CNIH3: variants seen among roughly 807,000 people sequenced by gnomAD.
CNIH3 encodes the protein cornichon family AMPA receptor auxiliary protein 3, also known as protein cornichon homolog 3.
Under a neutral mutation model 24.1 loss-of-function variants are expected in CNIH3, and 14 were observed. That is an observed-to-expected ratio of 0.58 (90% CI 0.38 to 0.91). CNIH3 has a LOEUF of 0.91. CNIH3 is among the 40% of genes least tolerant of loss of function. The pLI is 0.00. For synonymous variants in CNIH3, 68 were observed against 73.8 expected (o/e 0.92, Z 0.40); for missense variants, 178 against 196.8 (o/e 0.90, Z 0.57).
chr1:224,464,858 T>C (rs531675487), intron 1 of CNIH3, among the ~76,000 whole-genome samples: 74 of 152,084 alleles, frequency 4.9e-4, no homozygotes, highest in African/African-American at 1.8e-3. Context: ...TGCAGTGGTG[T>C]GATCACAGCT....
intron 5 of CNIH3, among the ~76,000 whole-genome samples, chr1:224,588,049 A>G (rs1388626248): frequency 2.6e-5 from 4 of 152,130 alleles, no homozygotes; most frequent in Non-Finnish European, 1.5e-5. Context: ...TAGTTACAGT[A>G]TCTAAATGTC....
At chr1:224,705,835 TTCTC>T (rs1334879311) in intron 3 of CNIH3, among the ~76,000 whole-genome samples, 3 of 150,832 alleles carry the variant, frequency 2.0e-5, no homozygotes, top group Non-Finnish European at 2.9e-5. Context: ...TTCTTTTCTT[TTCTC>T]TCTTTCTTTT....
At chr1:224,553,696 A>G (rs1311877006) in intron 3 of CNIH3, among the ~76,000 whole-genome samples, 1 of 151,354 alleles carries the variant, frequency 6.6e-6, no homozygotes, top group Non-Finnish European at 1.5e-5. Flanking sequence ...TCTTCTGTGC[A>G]TTTCCACATG....
At position 224,439,117 on chromosome 1, in the gene CNIH3, G is replaced by C. The variant is rs183318229; in HGVS notation, n.203+4255G>C. On this transcript the variant is annotated intron_variant and non_coding_transcript_variant, in intron 1 of 5. Coordinates refer to the CNIH3 transcript ENST00000471578. ...TATTGGCCTTCCATGAGTGGGTGAA[G>C]GGCATAGTCATCTGGCAGTTTTACC... Among the ~76,000 whole-genome samples, 18 of 152,258 alleles carry C rather than the reference G, an allele frequency of 1.2e-4. No individual in the cohort carries two copies. In the East Asian group the frequency reaches 2.5e-3, roughly 21 times the overall value.
At chr1:224,528,636 G>A (rs569113311) in intron 2 of CNIH3, among the ~76,000 whole-genome samples, 1 of 152,140 alleles carries the variant, frequency 6.6e-6, no homozygotes, top group Non-Finnish European at 1.5e-5. Context: ...GGTGCTAATA[G>A]TAGTTAACAT....
At chr1:224,652,848 G>A (rs776483474) in intron 1 of CNIH3, among the ~76,000 whole-genome samples, 6 of 152,204 alleles carry the variant, frequency 3.9e-5, no homozygotes, top group South Asian at 2.1e-4. Flanking sequence ...CGCAGCACAC[G>A]TGGGCTTCTT....
intron 3 of CNIH3, among the ~76,000 whole-genome samples, chr1:224,699,063 G>A (rs1687335598): frequency 1.3e-5 from 2 of 152,176 alleles, no homozygotes; most frequent in South Asian, 4.1e-4. Context: ...CCATGCTCTA[G>A]GGATTGAAGA....
chr1:224,681,936 G>A (rs1328768256), intron 2 of CNIH3, among the ~76,000 whole-genome samples: 1 of 152,150 alleles, frequency 6.6e-6, no homozygotes, highest in Non-Finnish European at 1.5e-5. Context: ...CAGCGCTAAG[G>A]CAACTTTTTG....
At chr1:224,528,227 G>T (rs1678920961) in intron 2 of CNIH3, among the ~76,000 whole-genome samples, 1 of 152,150 alleles carries the variant, frequency 6.6e-6, no homozygotes, top group African/African-American at 2.4e-5. Flanking sequence ...TCATGTCACT[G>T]CACTCCAGCC....
intron 2 of CNIH3, among the ~76,000 whole-genome samples, chr1:224,525,444 T>A (rs1388214250): frequency 6.6e-6 from 1 of 152,164 alleles, no homozygotes; most frequent in East Asian, 1.9e-4. Flanking sequence ...GCATAGCTTG[T>A]TTTTCCCTCC....
intron 3 of CNIH3, among the ~76,000 whole-genome samples, chr1:224,711,730 G>A (rs538216269): frequency 6.9e-6 from 1 of 145,928 alleles, no homozygotes; most frequent in East Asian, 2.1e-4. Flanking sequence ...AGGAGATCAA[G>A]GCTGCAGTGA....
At chr1:224,549,376 A>G (rs1033376699) in intron 3 of CNIH3, among the ~76,000 whole-genome samples, 2 of 152,128 alleles carry the variant, frequency 1.3e-5, no homozygotes, top group African/African-American at 4.8e-5. Flanking sequence ...CTATTTCATT[A>G]ATATGATATT....
Position 224,574,927 on chromosome 1 carries a change from A to G in CNIH3, n.517-8237A>G. ...AAAGCTATTGGCATCTCCAACTTCA[A>G]CCATCTCCAGGTTGAGAGGATCTTA... On this transcript the variant is annotated intron_variant and non_coding_transcript_variant, in intron 4 of 5. Coordinates refer to the CNIH3 transcript ENST00000471578. The G allele has an allele frequency of 4.1e-6, 4 of 976,534 alleles. No individual in the cohort carries two copies. The South Asian group carries it at 5.1e-5, about 12-fold the overall frequency. 60.5% of individuals were successfully genotyped at this position (976,534 alleles called of 1,614,324 possible).
intron 4 of CNIH3, among the ~76,000 whole-genome samples, chr1:224,567,611 T>C (rs941147630): frequency 6.6e-6 from 1 of 152,230 alleles, no homozygotes; most frequent in Non-Finnish European, 1.5e-5. Context: ...TAAATATAAC[T>C]TGTGATGATG....
chr1:224,642,996 C>T (rs913732574), intron 1 of CNIH3, among the ~76,000 whole-genome samples: 5 of 152,148 alleles, frequency 3.3e-5, no homozygotes, highest in Admixed American at 1.3e-4. Context: ...GGTTCTCCTC[C>T]GAGATTCCTA....
intron 1 of CNIH3, among the ~76,000 whole-genome samples, chr1:224,486,700 T>A (rs1368499483): frequency 6.6e-6 from 1 of 152,204 alleles, no homozygotes; most frequent in Non-Finnish European, 1.5e-5. Context: ...CCTCACTAGT[T>A]GGTGCAGCTT....
intron 1 of CNIH3, among the ~76,000 whole-genome samples, chr1:224,651,075 A>G (rs1684836142): frequency 6.6e-6 from 1 of 152,164 alleles, no homozygotes; most frequent in African/African-American, 2.4e-5. Flanking sequence ...ACACACACAC[A>G]CACACGCACA....
intron 5 of CNIH3, among the ~76,000 whole-genome samples, chr1:224,737,918 A>G (rs751878470): frequency 6.6e-6 from 1 of 152,236 alleles, no homozygotes; most frequent in Non-Finnish European, 1.5e-5. Flanking sequence ...AATACTAGCT[A>G]GTGAGCCCAG....
At chr1:224,655,203 G>C (rs992349210) in intron 1 of CNIH3, among the ~76,000 whole-genome samples, 5 of 152,246 alleles carry the variant, frequency 3.3e-5, no homozygotes, top group Middle Eastern at 3.4e-3. Context: ...AGGAGCTAGG[G>C]CCTCATGTGG....
Sources: gnomAD v4.1 joint callset for allele counts (sites outside exome capture counted in the v4.1 genomes callset) on GRCh38, gnomAD v4.1.1 for gene constraint, MANE v1.5 for transcripts, NCBI Gene and HGNC (gene_info 2026-07-23, HGNC 2026-07-21) for gene names.